BET1: variants seen among roughly 807,000 people sequenced by gnomAD.
BET1 encodes the protein BET1 homolog.
In BET1, 9 loss-of-function variants were observed where a neutral mutation model predicts 13.9. That is an observed-to-expected ratio of 0.65 (90% confidence interval 0.39 to 1.13). The LOEUF is 1.13. BET1 is among the 50% of genes most tolerant of loss of function. The pLI, the probability that BET1 is intolerant of heterozygous loss-of-function variation, is 0.01. For synonymous variants in BET1, 39 were observed against 47.3 expected (o/e 0.82, Z 0.72); for missense variants, 127 against 133.6 (o/e 0.95, Z 0.24).
intron 4 of BET1, among the ~76,000 whole-genome samples, chr7:93,976,344 T>TTGTG (rs57913446): frequency 0.33 from 48,472 of 148,968 alleles, 7,807 homozygotes; most frequent in East Asian, 0.51. Context: ...TATCTACTTA[T>TTGTG]TGTGTGTGTG....
intron 2 of BET1, 22 bp downstream of exon 2, chr7:93,999,148 A>G (rs1247616402): frequency 1.3e-6 from 2 of 1,540,036 alleles, no homozygotes; most frequent in Admixed American, 3.5e-5. Flanking sequence ...TAAAACACAT[A>G]TAATATTTGT....
chr7:93,994,921 G>A (rs1795729508), intron 3 of BET1, among the ~76,000 whole-genome samples: 1 of 152,198 alleles, frequency 6.6e-6, no homozygotes, highest in Non-Finnish European at 1.5e-5. Context: ...TCAGCTCACT[G>A]CAATCTCTGC....
intron 4 of BET1, among the ~76,000 whole-genome samples, chr7:93,984,765 C>T (rs1226367730): frequency 6.6e-6 from 1 of 152,018 alleles, no homozygotes; most frequent in African/African-American, 2.4e-5. Context: ...AAAAAGTCTT[C>T]AAAGAAAATT....
intron 4 of BET1, among the ~76,000 whole-genome samples, chr7:93,985,258 A>G (rs1795504163): frequency 6.6e-6 from 1 of 152,190 alleles, no homozygotes; most frequent in South Asian, 2.1e-4. Context: ...TACAAAAACA[A>G]TGCTGTGTGT....
chr7:93,964,271 C>T (rs1795140462), exon 7 of BET1: 1 of 151,934 alleles, frequency 6.6e-6, no homozygotes, highest in Non-Finnish European at 1.5e-5. Flanking sequence ...TACCTTCCTT[C>T]CTCCCTTCCC....
chr7:93,976,156 AC>A (rs1324935991), intron 4 of BET1: 6 of 1,103,026 alleles, frequency 5.4e-6, no homozygotes, highest in Admixed American at 6.4e-5. Flanking sequence ...ACAAAACAAA[AC>A]AACATTTAAA....
chr7:93,990,572 G>A (rs998221901), downstream of BET1, among the ~76,000 whole-genome samples: 2 of 152,078 alleles, frequency 1.3e-5, no homozygotes, highest in African/African-American at 4.8e-5. Flanking sequence ...GCTTTCAAGT[G>A]TATCACACCA....
At chr7:93,973,445 A>G (rs922408187) in intron 5 of BET1, among the ~76,000 whole-genome samples, 12 of 152,102 alleles carry the variant, frequency 7.9e-5, no homozygotes, top group Non-Finnish European at 1.5e-4. Flanking sequence ...TTTTTGAACT[A>G]CAAAGTGTAT....
At chr7:93,991,991 T>G, downstream of BET1, 1 of 985,438 alleles carries the variant, frequency 1.0e-6, no homozygotes, top group Non-Finnish European at 1.2e-6. Context: ...GCTAGGGTTC[T>G]CTGCTCCAGA....
intron 1 of BET1, among the ~76,000 whole-genome samples, chr7:94,002,173 T>C (rs1795919921): frequency 6.6e-6 from 1 of 152,232 alleles, no homozygotes; most frequent in Admixed American, 6.5e-5. Context: ...CCTCAGCCTT[T>C]GTTTATTTAG....
At chr7:93,985,667 A>T (rs1415800690) in intron 4 of BET1, among the ~76,000 whole-genome samples, 1 of 152,212 alleles carries the variant, frequency 6.6e-6, no homozygotes, top group East Asian at 1.9e-4. Context: ...CAAATAATGG[A>T]GAGTTTTAAG....
chr7:93,998,502 C>G (rs1481610329), intron 2 of BET1, among the ~76,000 whole-genome samples: 1 of 151,822 alleles, frequency 6.6e-6, no homozygotes, highest in Non-Finnish European at 1.5e-5. Flanking sequence ...AGTTCAAGAC[C>G]AGCCTGGCCA....
At chr7:94,003,676 A>T (rs1413474733) in intron 1 of BET1, among the ~76,000 whole-genome samples, 2 of 152,326 alleles carry the variant, frequency 1.3e-5, no homozygotes, top group East Asian at 3.9e-4. Context: ...CAGATTAAGA[A>T]ATCGCCTTTG....
Position 93,993,590 on chromosome 7 carries a change from T to C in BET1, c.*640A>G. The C allele has an allele frequency of 8.7e-7, 1 of 1,150,526 alleles. No individual in the cohort carries two copies. The highest frequency in any genetic ancestry group is 1.1e-6 in the Non-Finnish European group (1 of 934,464). The allele number at this position is 1,150,526 out of a possible 1,614,324, so 71.3% of individuals were successfully genotyped here. On this transcript the variant is annotated 3_prime_UTR_variant, in exon 4 of 4. Transcript: ENST00000222547. The stretch of plus-strand genomic sequence containing the variant: ...TAAAGTTAATATGAAATAATAACTA[T>C]ACTGATACACATGTGCAATGGGCCC...
rs1795981282 is a variant in BET1 at position 94,004,285 on chromosome 7, C to G, written c.-69G>C. 7 of 1,605,440 alleles carry G rather than the reference C, an allele frequency of 4.4e-6. No homozygotes were observed. ...TGAGTAGGAAACAGCTAGGGGCGACCCGGACCGCGTCTTCAGTACCAGGGC... is the reference window on the plus strand; with the variant it reads ...TGAGTAGGAAACAGCTAGGGGCGACGCGGACCGCGTCTTCAGTACCAGGGC... On this transcript the variant is annotated 5_prime_UTR_variant, in exon 1 of 4. Transcript: ENST00000222547.
chr7:93,988,233 G>T (rs1795564037), intron 4 of BET1, among the ~76,000 whole-genome samples: 1 of 152,072 alleles, frequency 6.6e-6, no homozygotes, highest in Non-Finnish European at 1.5e-5. Context: ...CCTTTATGTT[G>T]ATACACACCA....
At chr7:93,964,144 T>G (rs1050571809) in exon 7 of BET1, 1 of 152,024 alleles carries the variant, frequency 6.6e-6, no homozygotes, top group Non-Finnish European at 1.5e-5. Flanking sequence ...TATTTTAGAT[T>G]CAGGGGTTAC....
chr7:93,993,632 A>G lies in BET1; in HGVS notation c.*598T>C. 2 of 1,274,652 alleles carry G rather than the reference A, an allele frequency of 1.6e-6. No homozygotes were observed. The highest frequency in any genetic ancestry group is 2.0e-6 in the Non-Finnish European group (2 of 1,013,366). 79.0% of individuals were successfully genotyped at this position (1,274,652 alleles called of 1,614,324 possible). On this transcript the variant is annotated 3_prime_UTR_variant, in exon 4 of 4. Transcript: ENST00000222547. The stretch of plus-strand genomic sequence containing the variant: ...AATGGGCCCTACCAGAAATATGCCA[A>G]AATAACAAGTTTTATTTAAAGAATG...
intron 6 of BET1, among the ~76,000 whole-genome samples, chr7:93,970,764 G>A (rs1795248018): frequency 6.6e-6 from 1 of 150,658 alleles, no homozygotes. Context: ...ATAGAATCTG[G>A]TTTTAATCCA....
Sources: allele counts gnomAD v4.1 joint callset (sites outside exome capture counted in the v4.1 genomes callset), GRCh38; gene constraint gnomAD v4.1.1; transcripts MANE v1.5; gene names NCBI Gene and HGNC (gene_info 2026-07-23, HGNC 2026-07-21).